The following AHNAK variants were observed in gnomAD, a reference collection of about 807,000 sequenced individuals.
AHNAK encodes neuroblast differentiation-associated protein AHNAK.
A neutral mutation model predicts 37.8 loss-of-function variants in AHNAK; 23 were observed. That is an observed-to-expected ratio of 0.61 (90% CI 0.44 to 0.86). The LOEUF is 0.86. AHNAK is among the 40% of genes least tolerant of loss of function. The probability of loss-of-function intolerance (pLI) is 0.00; values close to 1 mark genes in which losing one functional copy is unlikely to be tolerated. For missense variants in AHNAK, 7,411 were observed against 7,319.4 expected (o/e 1.01, Z -0.46); for synonymous variants, 2,481 against 2,636.3 (o/e 0.94, Z 1.80).
chr11:62,542,667 C>T (rs1042683199), intron 1 of AHNAK, among the ~76,000 whole-genome samples: 3 of 152,196 alleles, frequency 2.0e-5, no homozygotes, highest in African/African-American at 4.8e-5. Flanking sequence ...CCCTCCCTGG[C>T]CAGGAGGGAC....
intron 5 of AHNAK, among the ~76,000 whole-genome samples, chr11:62,460,987 A>ATT (rs58443970): frequency 0.21 from 21,566 of 103,462 alleles, 3,378 homozygotes; most frequent in African/African-American, 0.41. Flanking sequence ...GGCCTGGCTA[A>ATT]TTTTTTTTTT....
rs545069713 is a variant in AHNAK, at chr11:62,532,742, T to C, written c.1675A>G (p.Ser559Gly). Residue 559 changes from serine to glycine, a missense_variant, in exon 5 of 5, where the codon AGT becomes GGT. Transcript: ENST00000378024. ...EGTLTGPRLG[S>G]PSGKTGTCRI... ...CAGGTTCCGGTTTTCCCGGAAGGAC[T>C]GCCAAGCCTAGGGCCTGTCAAGGTT... is the stretch of plus-strand genomic sequence containing the variant. 1 of 1,614,078 alleles carries C rather than the reference T, an allele frequency of 6.2e-7. No individual in the cohort carries two copies. Among genetic ancestry groups the C allele is most frequent in the African/African-American group, 1.3e-5 (1 of 75,006 alleles).
Position 62,520,975 on chromosome 11 carries a change from A to T in AHNAK, c.13442T>A (p.Leu4481Gln). 3 of 1,614,164 alleles carry T rather than the reference A, an allele frequency of 1.9e-6. No homozygotes were observed. The highest frequency in any genetic ancestry group is 2.5e-6 in the Non-Finnish European group (3 of 1,180,040). ...TTTCAGATCACTTTCCACCTTAGGT[A>T]GTGAAACATCCACATCACCCTTCAC... is the stretch of plus-strand genomic sequence containing the variant. ...PKVKGDVDVS[L>Q]PKVESDLKGP... Residue 4481 changes from leucine (L) to glutamine (Q), a missense_variant, in exon 5 of 5, where the codon CTA becomes CAA. Transcript: ENST00000378024.
At position 62,525,032 on chromosome 11, in the gene AHNAK, C is replaced by T; in HGVS notation, c.9385G>A (p.Gly3129Ser). 2 of 1,613,754 alleles carry T rather than the reference C, an allele frequency of 1.2e-6. No homozygotes were observed. Among genetic ancestry groups the T allele is most frequent in the Non-Finnish European group, 1.7e-6 (2 of 1,179,960 alleles). Residue 3129 changes from glycine (G) to serine (S), a missense_variant, in exon 5 of 5, where the codon GGC becomes AGC. Coordinates refer to ENST00000378024, the MANE Select transcript of AHNAK (RefSeq NM_001620.3). ...DMKVPDVDIK[G>S]PKVDINAPDV... ...GGGGCATTAATATCCACTTTGGGGC[C>T]TTTAATATCCACGTCAGGAACTTTC...
intron 5 of AHNAK, among the ~76,000 whole-genome samples, chr11:62,476,315 G>A (rs572841140): frequency 6.6e-6 from 1 of 152,276 alleles, no homozygotes; most frequent in African/African-American, 2.4e-5. Context: ...CTTGAACCTG[G>A]CAGGCAGAGG....
chr11:62,517,043 G>C lies in AHNAK; in HGVS notation c.17374C>G (p.Pro5792Ala). The C allele has an allele frequency of 6.2e-7, 1 of 1,614,168 alleles. No individual in the cohort carries two copies. Among genetic ancestry groups the C allele is most frequent in the Non-Finnish European group, 8.5e-7 (1 of 1,180,040 alleles). ...TCCAGCGTCCCCGTCGGGGTGGAAG[G>C]TCCAGAGAACTCTCTTTCATCACTG... is the stretch of plus-strand genomic sequence containing the variant. ...SFSDEREFSG[P>A]STPTGTLEFE... Residue 5792 changes from proline (P) to alanine (A), a missense_variant, in exon 5 of 5, where the codon CCT becomes GCT. Pro to Ala is a conservative substitution (Grantham distance 27). Coordinates refer to ENST00000378024, the MANE Select transcript of AHNAK (RefSeq NM_001620.3).
Position 62,535,145 on chromosome 11 carries a change from G to A in AHNAK, c.200C>T (p.Ser67Leu), listed in dbSNP as rs765371317. 52 of 1,613,004 alleles carry A rather than the reference G, an allele frequency of 3.2e-5. No homozygotes were observed. The highest frequency in any genetic ancestry group is 4.2e-5 in the Non-Finnish European group (49 of 1,179,046). ...GATIYFDNLQ[S>L]GEVTQLLNTM... Reference sequence around the variant, plus strand: ...GTTCAGCAGCTGGGTCACCTCACCCGACTGCAGGTTGTCAAAGTAGATGGT... The same window carrying A: ...GTTCAGCAGCTGGGTCACCTCACCCAACTGCAGGTTGTCAAAGTAGATGGT... The change falls in exon 4 of 5, where the codon TCG becomes TTG. Residue 67 changes from serine to leucine, a missense_variant. Coordinates refer to ENST00000378024, the MANE Select transcript of AHNAK (RefSeq NM_001620.3).
chr11:62,443,658 C>A (rs1938362071), intron 5 of AHNAK, among the ~76,000 whole-genome samples: 1 of 152,160 alleles, frequency 6.6e-6, no homozygotes. Flanking sequence ...CCTGCCACTG[C>A]CATAGCATCT....
chr11:62,471,331 C>T (rs945906917), intron 5 of AHNAK, among the ~76,000 whole-genome samples: 15 of 152,112 alleles, frequency 9.9e-5, no homozygotes, highest in Admixed American at 3.3e-4. Flanking sequence ...GCAGAAGGCA[C>T]GCCAGGCTAA....
chr11:62,457,253 C>G (rs1938676899), intron 5 of AHNAK, among the ~76,000 whole-genome samples: 1 of 151,986 alleles, frequency 6.6e-6, no homozygotes, highest in African/African-American at 2.4e-5. Flanking sequence ...CAAGACTATC[C>G]TGGCTAACAT....
chr11:62,514,200 C>CCA (rs1488190127), downstream of AHNAK, among the ~76,000 whole-genome samples: 1 of 152,120 alleles, frequency 6.6e-6, no homozygotes, highest in Non-Finnish European at 1.5e-5. Flanking sequence ...CAAGTGCACC[C>CCA]CACTGTCGCA....
At chr11:62,435,907 A>T (rs1029025890) in intron 5 of AHNAK, among the ~76,000 whole-genome samples, 2 of 152,190 alleles carry the variant, frequency 1.3e-5, no homozygotes, top group Non-Finnish European at 2.9e-5. Context: ...TGAGCTGAGC[A>T]CTTCTTACAT....
intron 5 of AHNAK, among the ~76,000 whole-genome samples, chr11:62,455,044 T>C (rs1938627937): frequency 6.6e-6 from 1 of 151,790 alleles, no homozygotes. Flanking sequence ...GCGATTCTCC[T>C]GCCTTAGCCT....
At chr11:62,461,430 C>T (rs1174621423) in intron 5 of AHNAK, among the ~76,000 whole-genome samples, 2 of 152,128 alleles carry the variant, frequency 1.3e-5, no homozygotes, top group African/African-American at 4.8e-5. Flanking sequence ...AGGCGTGAGC[C>T]ACTGCGCCCG....
At chr11:62,483,364 T>G (rs1939314380) in intron 5 of AHNAK, among the ~76,000 whole-genome samples, 1 of 152,176 alleles carries the variant, frequency 6.6e-6, no homozygotes, top group African/African-American at 2.4e-5. Flanking sequence ...AGAGGATCAC[T>G]AACAAATCAT....
At chr11:62,441,876 G>A (rs780403106) in intron 5 of AHNAK, among the ~76,000 whole-genome samples, 30 of 152,146 alleles carry the variant, frequency 2.0e-4, no homozygotes, top group Non-Finnish European at 2.9e-4. Flanking sequence ...CTCTGAAGCA[G>A]CCACTGTCGT....
chr11:62,491,606 G>T, intron 5 of AHNAK: 1 of 822,156 alleles, frequency 1.2e-6, no homozygotes, highest in Non-Finnish European at 1.9e-6. Flanking sequence ...CTGGGCTCCT[G>T]GGGTCCTGAG....
At chr11:62,509,961 G>A (rs969419657) in intron 4 of AHNAK, among the ~76,000 whole-genome samples, 1 of 152,128 alleles carries the variant, frequency 6.6e-6, no homozygotes, top group African/African-American at 2.4e-5. Flanking sequence ...AGTTACTGGG[G>A]CAACTGGTGA....
intron 5 of AHNAK, among the ~76,000 whole-genome samples, chr11:62,471,164 T>C (rs1051283753): frequency 6.6e-6 from 1 of 152,186 alleles, no homozygotes; most frequent in Admixed American, 6.5e-5. Context: ...CAGTCCAAGC[T>C]ACCCTGGAGC....
Sources: gnomAD v4.1 joint callset for allele counts (sites outside exome capture counted in the v4.1 genomes callset) on GRCh38, gnomAD v4.1.1 for gene constraint, MANE v1.5 for transcripts, NCBI Gene and HGNC (gene_info 2026-07-23, HGNC 2026-07-21) for gene names.